ICOS: variants seen among roughly 807,000 people sequenced by gnomAD.
ICOS encodes the protein inducible T cell costimulator.
ICOS carries 15 observed loss-of-function variants against 24.6 expected under a neutral mutation model. That is an observed-to-expected ratio of 0.61 (90% CI 0.41 to 0.94). The LOEUF (loss-of-function observed/expected upper bound fraction) is 0.94, where lower values mean the gene tolerates loss of function less well. ICOS is among the 40% of genes least tolerant of loss of function. ICOS has a pLI of 0.00. For missense variants in ICOS, 200 were observed against 233.0 expected (o/e 0.86, Z 0.92); for synonymous variants, 89 against 77.5 (o/e 1.15, Z -0.78).
At chr2:203,946,565 T>C (rs1689873003) in intron 1 of ICOS, among the ~76,000 whole-genome samples, 1 of 152,162 alleles carries the variant, frequency 6.6e-6, no homozygotes, top group Non-Finnish European at 1.5e-5. Flanking sequence ...AAATGATGCA[T>C]ATATAAAAAT....
chr2:203,953,537 C>T (rs1162189692), intron 1 of ICOS, among the ~76,000 whole-genome samples: 2 of 151,694 alleles, frequency 1.3e-5, no homozygotes, highest in Non-Finnish European at 2.9e-5. Context: ...AAATTGAAGC[C>T]CAGGGTCATT....
intron 3 of ICOS, 119 bp from the exon 4 acceptor site, chr2:203,957,680 C>T: frequency 1.3e-6 from 1 of 772,970 alleles, no homozygotes; most frequent in Non-Finnish European, 2.3e-6. Flanking sequence ...AGCCAGGAAC[C>T]TAAGTCACAT....
At chr2:203,953,467 A>G (rs1053099618) in intron 1 of ICOS, among the ~76,000 whole-genome samples, 6 of 152,186 alleles carry the variant, frequency 3.9e-5, no homozygotes, top group African/African-American at 1.4e-4. Context: ...TGAAGACTAG[A>G]ACACTTGTGC....
At chr2:203,945,611 C>A (rs1437829877) in intron 1 of ICOS, among the ~76,000 whole-genome samples, 3 of 152,172 alleles carry the variant, frequency 2.0e-5, no homozygotes, top group South Asian at 2.1e-4. Context: ...GGCTACAAAC[C>A]TGTACAGCAT....
intron 1 of ICOS, among the ~76,000 whole-genome samples, chr2:203,951,391 G>A (rs1388315459): frequency 1.3e-5 from 2 of 152,204 alleles, no homozygotes; most frequent in African/African-American, 4.8e-5. Flanking sequence ...AGAGAAAGCA[G>A]GTGTTAGAAA....
intron 1 of ICOS, among the ~76,000 whole-genome samples, chr2:203,939,216 A>G (rs1689720396): frequency 6.6e-6 from 1 of 152,192 alleles, no homozygotes; most frequent in African/African-American, 2.4e-5. Flanking sequence ...TTCTTTCTAA[A>G]CTGTGTTGAA....
chr2:203,942,033 C>T (rs1189207359), intron 1 of ICOS, among the ~76,000 whole-genome samples: 1 of 152,118 alleles, frequency 6.6e-6, no homozygotes, highest in Non-Finnish European at 1.5e-5. Context: ...GGTGATAGAC[C>T]AGGAGTTTCC....
intron 1 of ICOS, among the ~76,000 whole-genome samples, chr2:203,951,947 C>A (rs762880347): frequency 2.6e-5 from 4 of 152,002 alleles, no homozygotes; most frequent in Non-Finnish European, 5.9e-5. Context: ...TTTTTCTTTG[C>A]CTCTGGATAA....
intron 1 of ICOS, among the ~76,000 whole-genome samples, chr2:203,951,276 G>A (rs1423973326): frequency 6.6e-6 from 1 of 152,156 alleles, no homozygotes; most frequent in Non-Finnish European, 1.5e-5. Context: ...ACAGAAAGTG[G>A]TTAACAGGAA....
intron 3 of ICOS, among the ~76,000 whole-genome samples, chr2:203,957,553 G>T (rs563663333): frequency 6.6e-6 from 1 of 152,142 alleles, no homozygotes; most frequent in Non-Finnish European, 1.5e-5. Flanking sequence ...ATGAGATAGC[G>T]CCCATGGTCT....
intron 1 of ICOS, among the ~76,000 whole-genome samples, chr2:203,955,010 C>T (rs539654969): frequency 6.6e-6 from 1 of 152,054 alleles, no homozygotes; most frequent in African/African-American, 2.4e-5. Context: ...ATTATTTACT[C>T]ATCAGAAGTA....
Position 203,961,213 on chromosome 2 carries a change from A to G in ICOS, c.*1614A>G, listed in dbSNP as rs1219404797. 6.6e-6 allele frequency: 1 copy of G among 152,402 alleles called. No homozygotes were observed. Among genetic ancestry groups the G allele is most frequent in the South Asian group, 2.1e-4 (1 of 4,800 alleles). 9.4% of individuals were successfully genotyped at this position (152,402 alleles called of 1,614,324 possible). ...TATGCATACTTATATTATCTTAAGC[A>G]TGTGTAATGCTGGATGTGTACAGTA... On this transcript the variant is annotated 3_prime_UTR_variant, in exon 5 of 5. Transcript: ENST00000316386.
At chr2:203,940,844 C>T (rs1349209827) in intron 1 of ICOS, among the ~76,000 whole-genome samples, 5 of 151,928 alleles carry the variant, frequency 3.3e-5, no homozygotes, top group South Asian at 2.1e-4. Context: ...AGTGCAGTGG[C>T]GCAATCTCGG....
intron 1 of ICOS, among the ~76,000 whole-genome samples, chr2:203,942,055 C>T (rs1689786462): frequency 1.3e-5 from 2 of 152,106 alleles, no homozygotes; most frequent in Non-Finnish European, 2.9e-5. Flanking sequence ...TCCAGTTGAC[C>T]ACGAGTGTTG....
rs1224796172 is a variant in ICOS, at chr2:203,961,529, CAGT to C, written c.*1935_*1937del. ...GAGCCACTTATCAAAGAGATTTTAA[CAGT>C]AGTAAGAAGGCAAAGAATAAACATT... On this transcript the variant is annotated 3_prime_UTR_variant, in exon 5 of 5. Transcript: ENST00000316386. The C allele has an allele frequency of 2.0e-5, 3 of 151,922 alleles. No individual in the cohort carries two copies. Among genetic ancestry groups the C allele is most frequent in the African/African-American group, 7.3e-5 (3 of 41,224 alleles). 9.4% of individuals were successfully genotyped at this position (151,922 alleles called of 1,614,324 possible).
intron 1 of ICOS, among the ~76,000 whole-genome samples, chr2:203,946,133 G>A (rs1689863485): frequency 6.6e-6 from 1 of 152,174 alleles, no homozygotes. Context: ...CAAAGGCAAT[G>A]AAGTAACTAA....
chr2:203,953,027 C>A (rs1000415941), intron 1 of ICOS, among the ~76,000 whole-genome samples: 6 of 152,110 alleles, frequency 3.9e-5, no homozygotes, highest in African/African-American at 1.4e-4. Flanking sequence ...AATAATAATG[C>A]AAATCTCCTT....
At chr2:203,951,587 G>A (rs1057179729) in intron 1 of ICOS, among the ~76,000 whole-genome samples, 1 of 152,114 alleles carries the variant, frequency 6.6e-6, no homozygotes, top group African/African-American at 2.4e-5. Context: ...TCTTGTGTTT[G>A]CCACAGTGCG....
chr2:203,949,525 AC>A (rs1689933280), intron 1 of ICOS, among the ~76,000 whole-genome samples: 1 of 152,238 alleles, frequency 6.6e-6, no homozygotes, highest in Non-Finnish European at 1.5e-5. Context: ...GTTACAGGAA[AC>A]AAAAAGTGTA....
Sources: allele counts gnomAD v4.1 joint callset (sites outside exome capture counted in the v4.1 genomes callset), GRCh38; gene constraint gnomAD v4.1.1; transcripts MANE v1.5; gene names NCBI Gene and HGNC (gene_info 2026-07-23, HGNC 2026-07-21).